The following SGSM1 variants were observed in gnomAD, a reference collection of about 807,000 sequenced individuals.
The protein encoded by SGSM1 is RUN and TBC1 domain containing 2.
In SGSM1, 73 loss-of-function variants were observed where a neutral mutation model predicts 133.8. That is an observed-to-expected ratio of 0.55 (90% CI 0.45 to 0.66). SGSM1 has a LOEUF of 0.66. Ranked by LOEUF, SGSM1 falls within the 30% of genes least tolerant of loss-of-function variation. The pLI is 0.00. For synonymous variants in SGSM1, 563 were observed against 573.0 expected, an observed-to-expected ratio of 0.98 and a Z score of 0.25; for missense variants, 1,213 against 1,448.1, an observed-to-expected ratio of 0.84 and a Z score of 2.64.
intron 16 of SGSM1, 81 bp from the exon 17 acceptor site, chr22:24,893,350 C>A: frequency 6.9e-7 from 1 of 1,447,506 alleles, no homozygotes; most frequent in Non-Finnish European, 9.5e-7. Context: ...TGGATCAGAG[C>A]CACTCTCTTC....
chr22:24,863,677 A>G (rs1022842992), intron 9 of SGSM1, among the ~76,000 whole-genome samples: 1 of 151,828 alleles, frequency 6.6e-6, no homozygotes. Flanking sequence ...CCCTTGGGGG[A>G]CCAAGAAGCA....
At chr22:24,881,394 G>A (rs1489191858) in intron 14 of SGSM1, among the ~76,000 whole-genome samples, 1 of 144,986 alleles carries the variant, frequency 6.9e-6, no homozygotes, top group African/African-American at 2.6e-5. Context: ...GTGAAACCCC[G>A]TCTCTACTAA....
intron 19 of SGSM1, among the ~76,000 whole-genome samples, chr22:24,898,823 C>G (rs951741001): frequency 1.3e-5 from 2 of 151,846 alleles, no homozygotes; most frequent in African/African-American, 4.8e-5. Context: ...GTCAGAAGAT[C>G]GAGACCATCC....
Position 24,879,494 on chromosome 22 carries a change from A to G in SGSM1, c.1463A>G (p.Lys488Arg), listed in dbSNP as rs774441935. 1.2e-6 allele frequency: 2 copies of G among 1,613,860 alleles called. No homozygotes were observed. The highest frequency in any genetic ancestry group is 2.2e-5 in the South Asian group (2 of 90,978). The change falls in exon 14 of 25, where the codon AAG becomes AGG. Residue 488 changes from lysine (K) to arginine (R), a missense_variant. By Grantham distance (26) the Lys-to-Arg change is conservative (BLOSUM62 2). Transcript: ENST00000400358. ...APLKLLCDNM[K>R]YQILSRAFYG... is the part of the protein sequence containing the mutation. ...CTGAAACTTCTCTGTGACAATATGA[A>G]GTACCAGATCCTCTCCAGAGCCTTC...
At chr22:24,919,308 C>T (rs776938279) in intron 23 of SGSM1, among the ~76,000 whole-genome samples, 28 of 152,182 alleles carry the variant, frequency 1.8e-4, no homozygotes, top group Non-Finnish European at 2.8e-4. Context: ...CCTCGGCCTC[C>T]CAAAGTGCTG....
intron 24 of SGSM1, 57 bp from the exon 25 acceptor site, chr22:24,924,129 T>G: frequency 6.5e-7 from 1 of 1,542,940 alleles, no homozygotes; most frequent in Non-Finnish European, 8.9e-7. Context: ...GCTGGAATTG[T>G]ACCCTAAGAC....
intron 5 of SGSM1, among the ~76,000 whole-genome samples, chr22:24,852,702 C>G (rs1930551017): frequency 6.6e-6 from 1 of 152,276 alleles, no homozygotes; most frequent in Middle Eastern, 3.4e-3. Context: ...CTTGGCCTCC[C>G]AAAGTGCTGG....
intron 2 of SGSM1, among the ~76,000 whole-genome samples, chr22:24,820,877 A>G (rs1336631336): frequency 6.6e-6 from 1 of 152,216 alleles, no homozygotes; most frequent in African/African-American, 2.4e-5. Flanking sequence ...CAGATGAAGA[A>G]ATGCGATGAA....
chr22:24,927,015 G>A lies in SGSM1; in HGVS notation c.*2741G>A, dbSNP rs941217607. Reference sequence around the variant, plus strand: ...GAATCACTTCTGACTTCTTGTATTAGCTGGCTCTTACCACAAGTAATGCTG... The same window carrying A: ...GAATCACTTCTGACTTCTTGTATTAACTGGCTCTTACCACAAGTAATGCTG... On this transcript the variant is annotated 3_prime_UTR_variant, in exon 25 of 25. Coordinates refer to ENST00000400358, the MANE Select transcript of SGSM1 (RefSeq NM_001098497.3). 2 of 152,084 alleles carry A rather than the reference G, an allele frequency of 1.3e-5. No homozygotes were observed. The highest frequency in any genetic ancestry group is 4.8e-5 in the African/African-American group (2 of 41,406). The allele number at this position is 152,084 out of a possible 1,614,324, so 9.4% of individuals were successfully genotyped here. A position where few individuals can be genotyped will look rare whatever the true frequency, so the allele number is the denominator to read the frequency against.
intron 18 of SGSM1, 122 bp from the exon 19 acceptor site, chr22:24,897,850 T>C (rs781370217): frequency 1.2e-5 from 10 of 827,840 alleles, no homozygotes; most frequent in Non-Finnish European, 1.9e-5. Context: ...CTGTATGGTA[T>C]TCCACTGCAT....
chr22:24,816,728 CA>C (rs1320309223), intron 2 of SGSM1, among the ~76,000 whole-genome samples: 1 of 152,108 alleles, frequency 6.6e-6, no homozygotes, highest in Non-Finnish European at 1.5e-5. Flanking sequence ...CACCTATATC[CA>C]GGGGCGCCAA....
chr22:24,842,288 G>C (rs1929850550), intron 2 of SGSM1, among the ~76,000 whole-genome samples: 1 of 152,028 alleles, frequency 6.6e-6, no homozygotes, highest in African/African-American at 2.4e-5. Context: ...GACAAACCTG[G>C]GTCCAAACAC....
Position 24,912,702 on chromosome 22 carries a change from C to G in SGSM1, c.2878C>G (p.His960Asp). The change falls in exon 22 of 25, where the codon CAC becomes GAC. Residue 960 changes from histidine to aspartate, a missense_variant. Transcript: ENST00000400358. ...GAAGAGGATGAACCAGAACTTCCCC[C>G]ACGGAGGCGCCATGGACACGCACTT... ...LMKRMNQNFP[H>D]GGAMDTHFAN... 5.0e-6 allele frequency: 8 copies of G among 1,613,762 alleles called. No individual in the cohort carries two copies. The highest frequency in any genetic ancestry group is 6.8e-6 in the Non-Finnish European group (8 of 1,179,896).
chr22:24,819,708 G>A (rs1388841941), intron 2 of SGSM1, among the ~76,000 whole-genome samples: 1 of 152,166 alleles, frequency 6.6e-6, no homozygotes, highest in Non-Finnish European at 1.5e-5. Flanking sequence ...CTTGCCCAAG[G>A]TCACACAGCT....
intron 2 of SGSM1, among the ~76,000 whole-genome samples, chr22:24,815,229 A>G (rs1927997271): frequency 6.6e-6 from 1 of 152,202 alleles, no homozygotes; most frequent in Non-Finnish European, 1.5e-5. Flanking sequence ...TGAGAGTTCA[A>G]GAGACTTGGT....
chr22:24,826,965 C>T (rs1453223296), intron 2 of SGSM1, among the ~76,000 whole-genome samples: 1 of 152,102 alleles, frequency 6.6e-6, no homozygotes, highest in Non-Finnish European at 1.5e-5. Flanking sequence ...GGAGACTGAC[C>T]TGTTTATGTT....
At chr22:24,859,994 C>A in intron 9 of SGSM1, 154 bp downstream of exon 9, 1 of 1,038,890 alleles carries the variant, frequency 9.6e-7, no homozygotes, top group South Asian at 1.5e-5. Flanking sequence ...AGCCTCCCCG[C>A]AGCTGTGGCC....
intron 22 of SGSM1, among the ~76,000 whole-genome samples, chr22:24,914,979 A>C (rs1295420160): frequency 6.6e-6 from 1 of 152,198 alleles, no homozygotes; most frequent in East Asian, 1.9e-4. Context: ...TTGTAATCCC[A>C]GCACTTTGGG....
intron 9 of SGSM1, 64 bp downstream of exon 9, chr22:24,859,904 C>G: frequency 6.3e-7 from 1 of 1,599,630 alleles, no homozygotes; most frequent in Non-Finnish European, 8.5e-7. Flanking sequence ...CAAGGAAGTT[C>G]CTCCCCGGGG....
Sources: allele counts gnomAD v4.1 joint callset (sites outside exome capture counted in the v4.1 genomes callset), GRCh38; gene constraint gnomAD v4.1.1; transcripts MANE v1.5; gene names NCBI Gene and HGNC (gene_info 2026-07-23, HGNC 2026-07-21).